SPRED2: variants seen among roughly 807,000 people sequenced by gnomAD.
The protein encoded by SPRED2 is sprouty related EVH1 domain containing 2.
A neutral mutation model predicts 43.0 loss-of-function variants in SPRED2; 47 were observed. The ratio of observed to expected loss-of-function variants is 1.09; its 90% CI spans 0.87 to 1.40. SPRED2 has a LOEUF of 1.40. Ranked by LOEUF, SPRED2 falls within the 40% of genes most tolerant of loss-of-function variation. The probability of loss-of-function intolerance (pLI) is 0.00; values close to 1 mark genes in which losing one functional copy is unlikely to be tolerated. For missense variants in SPRED2, 561 were observed against 586.4 expected, an observed-to-expected ratio of 0.96 and a Z score of 0.45; for synonymous variants, 225 against 225.7, an observed-to-expected ratio of 1.00 and a Z score of 0.03.
intron 1 of SPRED2, among the ~76,000 whole-genome samples, chr2:65,431,574 A>T (rs71424183): frequency 0.019 from 2,858 of 152,264 alleles, 42 homozygotes; most frequent in Middle Eastern, 0.031. Flanking sequence ...GGGAGTCACA[A>T]AGTCACTGTG....
At chr2:65,370,898 G>A (rs1334800919) in intron 1 of SPRED2, among the ~76,000 whole-genome samples, 4 of 152,158 alleles carry the variant, frequency 2.6e-5, no homozygotes, top group Non-Finnish European at 5.9e-5. Context: ...TCACATTTGT[G>A]CATTATGTAG....
chr2:65,308,362 G>C (rs954206626), downstream of SPRED2: 114 of 985,328 alleles, frequency 1.2e-4, no homozygotes, highest in Non-Finnish European at 1.4e-4. Flanking sequence ...AGCCAGCTTA[G>C]TGCACTTCTG....
At chr2:65,308,426 T>A, downstream of SPRED2, 1 of 985,418 alleles carries the variant, frequency 1.0e-6, no homozygotes, top group Non-Finnish European at 1.2e-6. Context: ...GAAACTGAAA[T>A]CAAATTCAGA....
downstream of SPRED2, chr2:65,308,475 G>A (rs1398760400): frequency 1.2e-5 from 12 of 985,414 alleles, no homozygotes; most frequent in Non-Finnish European, 1.4e-5. Flanking sequence ...CAACACACAG[G>A]ATGTAGATCT....
At chr2:65,418,171 T>C (rs536791723) in intron 1 of SPRED2, among the ~76,000 whole-genome samples, 5 of 152,334 alleles carry the variant, frequency 3.3e-5, no homozygotes, top group African/African-American at 1.2e-4. Context: ...ACTAATCTGT[T>C]TGATTCTACC....
At position 65,313,863 on chromosome 2, in the gene SPRED2, G is replaced by A. The variant is rs1413947924; in HGVS notation, c.895C>T (p.Arg299Trp). The change falls in exon 6 of 6, where the codon CGG (arginine) becomes TGG (tryptophan). Residue 299 changes from arginine to tryptophan, a missense_variant. Around this residue, in one of 6 missense-constraint regions of SPRED2, gnomAD observed 164 missense variants for 164.1 expected, o/e 1.00. Coordinates refer to ENST00000356388, the MANE Select transcript of SPRED2 (RefSeq NM_181784.3). ...GAGCGCTCTCCGTCCTCCTTCCGCC[G>A]CCGCGACTTGCCCCGGGAGGGCTGC... ...KTQPSRGKSR[R>W]RKEDGERSRC... 10 of 1,610,398 alleles carry A rather than the reference G, an allele frequency of 6.2e-6. No individual in the cohort carries two copies. The highest frequency in any genetic ancestry group is 3.3e-5 in the Admixed American group (2 of 59,976).
chr2:65,380,746 G>T (rs1201089604), intron 1 of SPRED2: 1 of 152,162 alleles, frequency 6.6e-6, no homozygotes, highest in Non-Finnish European at 1.5e-5. Flanking sequence ...AGTCTCCTGA[G>T]GTGAGGTCAT....
chr2:65,396,169 G>T (rs138596267), intron 1 of SPRED2, among the ~76,000 whole-genome samples: 1 of 152,280 alleles, frequency 6.6e-6, no homozygotes, highest in African/African-American at 2.4e-5. Context: ...GCATGGCAAC[G>T]CAGTTAAAGG....
chr2:65,413,345 C>T (rs1476696790), intron 1 of SPRED2, among the ~76,000 whole-genome samples: 2 of 152,178 alleles, frequency 1.3e-5, no homozygotes, highest in African/African-American at 4.8e-5. Context: ...GGGAGGCCAG[C>T]CAATACCCAC....
In SPRED2 at chr2:65,323,817, A is replaced by C. The variant is rs983674021; in HGVS notation, c.439-6934T>G. On this transcript the variant is annotated intron_variant, in intron 4 of 5. Coordinates refer to ENST00000356388, the MANE Select transcript of SPRED2 (RefSeq NM_181784.3). ...CGTGAACGTGGGAGGAAGAGGTTGC[A>C]GTGAGCCGAGATCGCGCCACTGCAC... Among the ~76,000 whole-genome samples the C allele has an allele frequency of 2.0e-5, 3 of 152,050 alleles. No individual in the cohort carries two copies. The East Asian group carries it at 5.8e-4, about 29-fold the overall frequency.
At chr2:65,359,538 G>A (rs79599301) in intron 1 of SPRED2, among the ~76,000 whole-genome samples, 2,949 of 152,048 alleles carry the variant, frequency 0.019, 46 homozygotes, top group Middle Eastern at 0.037. Context: ...GAAACCCTGC[G>A]TGGCTAAGCT....
Position 65,340,052 on chromosome 2 carries a change from C to A in SPRED2, c.204+4667G>T, listed in dbSNP as rs570022756. On this transcript the variant is annotated intron_variant, in intron 2 of 5. Transcript: ENST00000356388. ...GATCTTCAAAAACATAAAGCCATGC[C>A]ACTCTTCTCATAATTACTTTTGTTC... Among the ~76,000 whole-genome samples the A allele has an allele frequency of 2.0e-5, 3 of 152,280 alleles. No individual in the cohort carries two copies. In the South Asian group the frequency reaches 6.2e-4, roughly 32 times the overall value.
chr2:65,371,189 T>G (rs554635293), intron 1 of SPRED2, among the ~76,000 whole-genome samples: 1 of 131,250 alleles, frequency 7.6e-6, no homozygotes, highest in Non-Finnish European at 1.7e-5. Flanking sequence ...TCATACTGAA[T>G]ATTTTTTTTG....
intron 1 of SPRED2, among the ~76,000 whole-genome samples, chr2:65,402,725 A>G (rs1346845179): frequency 1.3e-5 from 2 of 152,214 alleles, no homozygotes; most frequent in Admixed American, 1.3e-4. Flanking sequence ...TTAAACTCAC[A>G]CCTATGTAAT....
rs555549300 is a variant in SPRED2, at chr2:65,327,713, CTTTTTTTTTTTTTTT to C, written c.438+4259_438+4273del. 8.1e-4 allele frequency among the ~76,000 whole-genome samples: 60 copies of C among 74,476 alleles called. 1 individual carries two copies. Among genetic ancestry groups the C allele is most frequent in the Middle Eastern group, 0.011 (1 of 92 alleles). The allele number at this position is 74,476 out of a possible 152,430, so 48.9% of individuals were successfully genotyped here. ...ATCTTTGCTTTTCTTTTCTTTCTTT[CTTTTTTTTTTTTTTT>C]TTTTTTTTTTTTTGAGACGGAGTCT... On this transcript the variant is annotated intron_variant, in intron 4 of 5. Coordinates refer to ENST00000356388, the MANE Select transcript of SPRED2 (RefSeq NM_181784.3).
At chr2:65,405,159 G>A (rs1350361509) in intron 1 of SPRED2, among the ~76,000 whole-genome samples, 1 of 152,204 alleles carries the variant, frequency 6.6e-6, no homozygotes, top group Non-Finnish European at 1.5e-5. Flanking sequence ...AGAAAATTAA[G>A]GCTTAGCGTT....
chr2:65,430,597 G>A (rs1248442512), intron 1 of SPRED2, among the ~76,000 whole-genome samples: 1 of 152,180 alleles, frequency 6.6e-6, no homozygotes, highest in Non-Finnish European at 1.5e-5. Context: ...GCACTCTTGA[G>A]GCTCAATGCC....
chr2:65,369,208 G>C (rs961888924), intron 1 of SPRED2, among the ~76,000 whole-genome samples: 1 of 152,090 alleles, frequency 6.6e-6, no homozygotes, highest in Non-Finnish European at 1.5e-5. Flanking sequence ...CTCTGGGTTT[G>C]GGTTTCTCAA....
chr2:65,365,920 A>C (rs2104328393), intron 1 of SPRED2, among the ~76,000 whole-genome samples: 1 of 152,148 alleles, frequency 6.6e-6, no homozygotes, highest in South Asian at 2.1e-4. Context: ...ATGATCCTTC[A>C]GATCATGTGA....
Sources: allele counts gnomAD v4.1 joint callset (sites outside exome capture counted in the v4.1 genomes callset), GRCh38; gene constraint gnomAD v4.1.1; regional missense constraint gnomAD v4.1.1; transcripts MANE v1.5; gene names NCBI Gene and HGNC (gene_info 2026-07-23, HGNC 2026-07-21).